The following ATP10B variants were observed in gnomAD, a reference collection of about 807,000 sequenced individuals.
The protein encoded by ATP10B is phospholipid-transporting ATPase VB.
A neutral mutation model predicts 141.2 loss-of-function variants in ATP10B; 122 were observed. The observed-to-expected ratio is 0.86, with a 90% CI of 0.75 to 1.00. ATP10B has a LOEUF of 1.00. Among genes scored for constraint, ATP10B ranks in the 50% least tolerant of loss-of-function variants. The pLI is 0.00. For synonymous variants in ATP10B, 685 were observed against 692.0 expected, an observed-to-expected ratio of 0.99 and a Z score of 0.16; for missense variants, 1,876 against 1,825.3, an observed-to-expected ratio of 1.03 and a Z score of -0.51.
intron 7 of ATP10B, among the ~76,000 whole-genome samples, chr5:160,663,555 C>T (rs146687186): frequency 0.037 from 5,555 of 152,098 alleles, 108 homozygotes; most frequent in African/African-American, 0.06. Flanking sequence ...AACCAAACAC[C>T]GCATGTTCTC....
At chr5:160,849,050 T>C (rs887819195) in intron 1 of ATP10B, among the ~76,000 whole-genome samples, 5 of 152,200 alleles carry the variant, frequency 3.3e-5, no homozygotes, top group African/African-American at 1.2e-4. Flanking sequence ...CGGCAGGGCC[T>C]GAGGTTTTGC....
chr5:160,693,664 A>G (rs1764208267), intron 3 of ATP10B, among the ~76,000 whole-genome samples: 1 of 152,132 alleles, frequency 6.6e-6, no homozygotes, highest in Admixed American at 6.5e-5. Flanking sequence ...CATGGAAGAC[A>G]ATTTTTCCAT....
chr5:160,909,168 C>T, the ATP10B span, among the ~76,000 whole-genome samples: 12 of 152,122 alleles, frequency 7.9e-5, no homozygotes, highest in Non-Finnish European at 1.5e-4. Context: ...GGCACTGAGG[C>T]CCAGATGGCA....
the ATP10B span, among the ~76,000 whole-genome samples, chr5:160,899,948 G>T: frequency 1.3e-5 from 2 of 152,138 alleles, no homozygotes; most frequent in Non-Finnish European, 2.9e-5. Flanking sequence ...TGGAGCAGAG[G>T]CAAGGAATCC....
At chr5:160,661,686 A>G (rs901517158) in intron 7 of ATP10B, among the ~76,000 whole-genome samples, 4 of 152,226 alleles carry the variant, frequency 2.6e-5, no homozygotes, top group Non-Finnish European at 5.9e-5. Context: ...CCCACAGCCA[A>G]TATCATACTG....
chr5:160,861,418 G>A, the ATP10B span, among the ~76,000 whole-genome samples: 1 of 151,768 alleles, frequency 6.6e-6, no homozygotes. Flanking sequence ...TCTGAAGAAA[G>A]TTTTAAAATA....
At chr5:160,837,815 T>C (rs1025719244) in intron 1 of ATP10B, among the ~76,000 whole-genome samples, 7 of 152,090 alleles carry the variant, frequency 4.6e-5, no homozygotes, top group African/African-American at 1.4e-4. Flanking sequence ...TCCACCCCAT[T>C]CTTGCCCTGG....
At chr5:160,927,919 A>T in the ATP10B span, among the ~76,000 whole-genome samples, 1 of 152,236 alleles carries the variant, frequency 6.6e-6, no homozygotes, top group African/African-American at 2.4e-5. Flanking sequence ...TTTGAGCCGA[A>T]ACCTGATTAA....
upstream of ATP10B, among the ~76,000 whole-genome samples, chr5:160,856,588 CAG>C (rs553680985): frequency 2.5e-3 from 384 of 151,780 alleles, 2 homozygotes; most frequent in African/African-American, 8.6e-3. Context: ...TTCTCAGTCT[CAG>C]GGGGAAAATA....
At chr5:160,817,886 C>A (rs913026746) in intron 1 of ATP10B, among the ~76,000 whole-genome samples, 2 of 152,120 alleles carry the variant, frequency 1.3e-5, no homozygotes, top group Non-Finnish European at 2.9e-5. Flanking sequence ...CTGACAAAAA[C>A]AAGAAATGCA....
the ATP10B span, among the ~76,000 whole-genome samples, chr5:160,862,456 C>T: frequency 6.6e-6 from 1 of 151,946 alleles, no homozygotes; most frequent in Non-Finnish European, 1.5e-5. Flanking sequence ...CAATTTCTTG[C>T]AATAAGTTTA....
At chr5:160,728,420 A>G (rs1027871771) in intron 2 of ATP10B, among the ~76,000 whole-genome samples, 8 of 152,112 alleles carry the variant, frequency 5.3e-5, no homozygotes, top group South Asian at 2.1e-4. Context: ...TAGAGCCCCA[A>G]TACAAACTCT....
In ATP10B at chr5:160,676,188, G is replaced by C. The variant is rs148631515; in HGVS notation, c.471-5521C>G. Reference sequence around the variant, plus strand: ...GGGATAACCCACTCCTGACCTTTTTGACCATGTGGTGGCAGTAAAGAAAGC... The same window carrying C: ...GGGATAACCCACTCCTGACCTTTTTCACCATGTGGTGGCAGTAAAGAAAGC... On this transcript the variant is annotated intron_variant, in intron 6 of 25. Transcript: ENST00000327245. 4.7e-3 allele frequency among the ~76,000 whole-genome samples: 711 copies of C among 152,242 alleles called. 1 individual carries two copies. Among genetic ancestry groups the C allele is most frequent in the Admixed American group, 6.8e-3 (104 of 15,298 alleles).
chr5:160,860,056 C>A, the ATP10B span, among the ~76,000 whole-genome samples: 1 of 151,824 alleles, frequency 6.6e-6, no homozygotes, highest in Non-Finnish European at 1.5e-5. Flanking sequence ...ACGTACAAAG[C>A]CATTATATTT....
At chr5:160,700,256 C>G (rs1473195388) in intron 3 of ATP10B, among the ~76,000 whole-genome samples, 1 of 152,148 alleles carries the variant, frequency 6.6e-6, no homozygotes, top group Non-Finnish European at 1.5e-5. Context: ...GTAAGACAAG[C>G]CAAGATATCT....
chr5:160,832,948 C>A (rs564190182), intron 1 of ATP10B, among the ~76,000 whole-genome samples: 1 of 150,346 alleles, frequency 6.7e-6, no homozygotes. Flanking sequence ...TCTGCAGTCA[C>A]TCGTCACTCT....
chr5:160,897,207 A>T, the ATP10B span, among the ~76,000 whole-genome samples: 2 of 152,222 alleles, frequency 1.3e-5, no homozygotes, highest in Non-Finnish European at 2.9e-5. Context: ...ATCAGGCATG[A>T]GAAAGAAATA....
chr5:160,582,567 C>T (rs1755624934), intron 24 of ATP10B, among the ~76,000 whole-genome samples: 1 of 152,074 alleles, frequency 6.6e-6, no homozygotes, highest in Non-Finnish European at 1.5e-5. Flanking sequence ...TCTGGTTGCC[C>T]TTAGTATTTT....
At chr5:160,878,200 AC>A in the ATP10B span, among the ~76,000 whole-genome samples, 2 of 150,994 alleles carry the variant, frequency 1.3e-5, no homozygotes, top group Non-Finnish European at 3.0e-5. Context: ...GATCAATGGA[AC>A]AGAACAGAGC....
Sources: gnomAD v4.1 joint callset for allele counts (sites outside exome capture counted in the v4.1 genomes callset) on GRCh38, gnomAD v4.1.1 for gene constraint, MANE v1.5 for transcripts, NCBI Gene and HGNC (gene_info 2026-07-23, HGNC 2026-07-21) for gene names.